ARL8B: variants seen among roughly 807,000 people sequenced by gnomAD.
ARL8B encodes ADP-ribosylation factor-like protein 8B.
Under a neutral mutation model 30.6 loss-of-function variants are expected in ARL8B, and 9 were observed. That is an observed-to-expected ratio of 0.29 (90% CI 0.18 to 0.51). The LOEUF (loss-of-function observed/expected upper bound fraction) is 0.51, where lower values mean the gene tolerates loss of function less well. Among genes scored for constraint, ARL8B ranks in the 20% least tolerant of loss-of-function variants. ARL8B has a pLI of 0.97. For synonymous variants in ARL8B, 74 were observed against 76.0 expected, an observed-to-expected ratio of 0.97 and a Z score of 0.14; for missense variants, 130 against 227.2, an observed-to-expected ratio of 0.57 and a Z score of 2.75.
rs1171399333 is a variant in ARL8B, at chr3:5,135,800, A to ATTATTT, written c.123+13214_123+13215insATTTTT. ...TATTATTATTATTATTATTATTATTATTTTGAGACAGGGTCTCACTCTGTC... is the reference window on the plus strand; with the variant it reads ...TATTATTATTATTATTATTATTATTATTATTTTTTTGAGACAGGGTCTCACTCTGTC... On this transcript the variant is annotated intron_variant, in intron 1 of 6. Coordinates refer to ENST00000256496, the MANE Select transcript of ARL8B (RefSeq NM_018184.3). Among the ~76,000 whole-genome samples the ATTATTT allele has an allele frequency of 1.6e-4, 16 of 100,784 alleles. No individual in the cohort carries two copies. In the East Asian group the frequency reaches 2.9e-3, roughly 18 times the overall value. 66.1% of individuals were successfully genotyped at this position (100,784 alleles called of 152,430 possible).
chr3:5,164,309 G>C (rs967830975), intron 1 of ARL8B, among the ~76,000 whole-genome samples: 1 of 152,224 alleles, frequency 6.6e-6, no homozygotes, highest in South Asian at 2.1e-4. Context: ...TATTATTACT[G>C]TAGTAGGTAA....
At chr3:5,156,081 T>G (rs1207368887) in intron 1 of ARL8B, among the ~76,000 whole-genome samples, 1 of 152,084 alleles carries the variant, frequency 6.6e-6, no homozygotes, top group Non-Finnish European at 1.5e-5. Context: ...TTTTGTATTT[T>G]TGTTAGAGAT....
At chr3:5,171,957 C>T (rs1027282931) in intron 2 of ARL8B, among the ~76,000 whole-genome samples, 193 bp from the exon 3 acceptor site, 1 of 152,220 alleles carries the variant, frequency 6.6e-6, no homozygotes, top group Non-Finnish European at 1.5e-5. Context: ...TAAATACGGA[C>T]TTCAAGTTTA....
rs372684322 is a variant in ARL8B, at chr3:5,128,433, G to C, written c.123+5845G>C. 4 of 452,804 alleles carry C rather than the reference G, an allele frequency of 8.8e-6. 1 individual carries two copies. The highest frequency in any genetic ancestry group is 6.2e-5 in the South Asian group (4 of 64,062). The allele number at this position is 452,804 out of a possible 1,614,324, so 28.0% of individuals were successfully genotyped here. A position where few individuals can be genotyped will look rare whatever the true frequency, so the allele number is the denominator to read the frequency against. ...ATAAAGTTTTCTACCCTTCATCCCC[G>C]CTCCAATTATTTGTTTTTCCTTGCA... is the stretch of plus-strand genomic sequence containing the variant. On this transcript the variant is annotated intron_variant, in intron 1 of 6. Transcript: ENST00000256496.
chr3:5,179,681 A>G lies in ARL8B; in HGVS notation c.*968A>G, dbSNP rs986162378. ...CTTTTTATATCCAGTCATAAAGTTG[A>G]CTTTCAGCACAAAAGATACTTATAA... On this transcript the variant is annotated 3_prime_UTR_variant, in exon 7 of 7. Transcript: ENST00000256496. 4 of 152,630 alleles carry G rather than the reference A, an allele frequency of 2.6e-5. No individual in the cohort carries two copies. The highest frequency in any genetic ancestry group is 4.4e-5 in the Non-Finnish European group (3 of 68,040). 9.5% of individuals were successfully genotyped at this position (152,630 alleles called of 1,614,324 possible).
At chr3:5,157,533 C>G (rs1158432618) in intron 1 of ARL8B, among the ~76,000 whole-genome samples, 2 of 152,140 alleles carry the variant, frequency 1.3e-5, no homozygotes, top group Non-Finnish European at 2.9e-5. Context: ...CCATACCACT[C>G]TACTCCCTCC....
rs78312840 is a variant in ARL8B at position 5,166,352 on chromosome 3, T to G, written c.124-4151T>G. On this transcript the variant is annotated intron_variant, in intron 1 of 6. Coordinates refer to ENST00000256496, the MANE Select transcript of ARL8B (RefSeq NM_018184.3). The stretch of plus-strand genomic sequence containing the variant: ...TGCGCCTGGCTGGTATCTTTCGTTT[T>G]TTTTTTTTTTTTTTTGGTAATGCTC... Among the ~76,000 whole-genome samples the G allele has an allele frequency of 8.2e-3, 1,199 of 145,512 alleles. 17 individuals carry two copies. Among genetic ancestry groups the G allele is most frequent in the African/African-American group, 0.029 (1,122 of 38,686 alleles).
At chr3:5,158,058 C>A (rs548282967) in intron 1 of ARL8B, among the ~76,000 whole-genome samples, 5 of 152,190 alleles carry the variant, frequency 3.3e-5, no homozygotes, top group Non-Finnish European at 2.9e-5. Flanking sequence ...TCACTGCAGC[C>A]TCCGCCTCCT....
intron 1 of ARL8B, among the ~76,000 whole-genome samples, chr3:5,153,995 AATTTC>A (rs2106563712): frequency 6.6e-6 from 1 of 152,050 alleles, no homozygotes; most frequent in East Asian, 1.9e-4. Flanking sequence ...AATTTGTAGT[AATTTC>A]AATTGTTATT....
chr3:5,124,825 CTG>C (rs2054216028), intron 1 of ARL8B, among the ~76,000 whole-genome samples: 1 of 152,114 alleles, frequency 6.6e-6, no homozygotes, highest in African/African-American at 2.4e-5. Context: ...GCTCAGTTAA[CTG>C]TAAATTTTCT....
At chr3:5,124,761 C>T (rs1354283346) in intron 1 of ARL8B, among the ~76,000 whole-genome samples, 1 of 152,182 alleles carries the variant, frequency 6.6e-6, no homozygotes, top group African/African-American at 2.4e-5. Context: ...TATAAGCCTG[C>T]TAGAGCTTTT....
intron 1 of ARL8B, chr3:5,128,500 G>A (rs1196714200): frequency 4.4e-6 from 2 of 452,692 alleles, no homozygotes; most frequent in Non-Finnish European, 8.9e-6. Flanking sequence ...TTAAGAAGCT[G>A]TTAGAGTGCA....
intron 1 of ARL8B, among the ~76,000 whole-genome samples, chr3:5,126,840 A>G (rs2054233781): frequency 1.3e-5 from 2 of 152,216 alleles, no homozygotes; most frequent in African/African-American, 2.4e-5. Flanking sequence ...TCATGTGCCT[A>G]TATGTGTAAT....
chr3:5,159,967 C>A (rs1045912525), intron 1 of ARL8B, among the ~76,000 whole-genome samples: 1 of 152,032 alleles, frequency 6.6e-6, no homozygotes, highest in African/African-American at 2.4e-5. Context: ...AGAGACCAAC[C>A]AGGACAATAG....
chr3:5,143,829 T>A (rs1000215444), intron 1 of ARL8B, among the ~76,000 whole-genome samples: 2 of 152,224 alleles, frequency 1.3e-5, no homozygotes, highest in Non-Finnish European at 2.9e-5. Context: ...TAAGAATTGA[T>A]CCTTGGTTTC....
At chr3:5,144,134 A>G (rs957993268) in intron 1 of ARL8B, among the ~76,000 whole-genome samples, 2 of 152,150 alleles carry the variant, frequency 1.3e-5, no homozygotes, top group African/African-American at 4.8e-5. Flanking sequence ...AGTGGCTCCC[A>G]TTGTCTGAAT....
intron 1 of ARL8B, among the ~76,000 whole-genome samples, chr3:5,143,142 C>T (rs762239235): frequency 2.6e-5 from 4 of 152,252 alleles, no homozygotes; most frequent in East Asian, 1.9e-4. Flanking sequence ...TGGCAGGCAT[C>T]GAATCTTATA....
intron 1 of ARL8B, among the ~76,000 whole-genome samples, chr3:5,133,462 A>G (rs2054300733): frequency 6.6e-6 from 1 of 152,222 alleles, no homozygotes; most frequent in South Asian, 2.1e-4. Context: ...AAATAGGATG[A>G]GTACAATTTA....
chr3:5,169,659 C>T (rs569716549), intron 1 of ARL8B, among the ~76,000 whole-genome samples: 6 of 151,634 alleles, frequency 4.0e-5, no homozygotes, highest in East Asian at 1.9e-4. Context: ...GTGAGTCGAA[C>T]GTCTTTTCAT....
Sources: allele counts gnomAD v4.1 joint callset (sites outside exome capture counted in the v4.1 genomes callset), GRCh38; gene constraint gnomAD v4.1.1; transcripts MANE v1.5; gene names NCBI Gene and HGNC (gene_info 2026-07-23, HGNC 2026-07-21).